MYO1E: variants seen among roughly 807,000 people sequenced by gnomAD.
MYO1E encodes the protein unconventional myosin-Ie.
MYO1E carries 68 observed loss-of-function variants against 151.1 expected under a neutral mutation model. The ratio of observed to expected loss-of-function variants is 0.45; its 90% confidence interval spans 0.37 to 0.55. The LOEUF (loss-of-function observed/expected upper bound fraction) is 0.55. Among genes scored for constraint, MYO1E ranks in the 20% least tolerant of loss-of-function variants. The pLI is 0.00. For synonymous variants in MYO1E, 601 were observed against 501.7 expected, an observed-to-expected ratio of 1.20 and a Z score of -2.64; for missense variants, 1,363 against 1,389.3, an observed-to-expected ratio of 0.98 and a Z score of 0.30.
intron 3 of MYO1E, among the ~76,000 whole-genome samples, chr15:59,261,049 A>AC (rs1161903549): frequency 6.6e-6 from 1 of 152,036 alleles, no homozygotes; most frequent in Non-Finnish European, 1.5e-5. Flanking sequence ...TACCGTCTCT[A>AC]CTAAAAATAC....
chr15:59,163,891 A>G (rs11071409), intron 22 of MYO1E, among the ~76,000 whole-genome samples: 145,339 of 152,322 alleles, frequency 0.95, 69,466 homozygotes, highest in South Asian at 0.99. Flanking sequence ...CAAGTTCAGA[A>G]ATGCGAAGGC....
intron 26 of MYO1E, among the ~76,000 whole-genome samples, chr15:59,151,008 G>GGGAC (rs1278419964): frequency 1.9e-5 from 2 of 107,862 alleles, no homozygotes; most frequent in South Asian, 3.2e-4. Context: ...GAAGAGGAGA[G>GGGAC]GGACACACAC....
chr15:59,138,127 C>A, intron 27 of MYO1E, 71 bp downstream of exon 27: 1 of 1,569,530 alleles, frequency 6.4e-7, no homozygotes, highest in Admixed American at 1.7e-5. Flanking sequence ...TTCATTTTCA[C>A]ACTAGATCTT....
intron 12 of MYO1E, among the ~76,000 whole-genome samples, chr15:59,212,463 C>T (rs1376135013): frequency 2.0e-5 from 3 of 152,060 alleles, no homozygotes; most frequent in African/African-American, 7.2e-5. Context: ...TGTGTAATGG[C>T]TTGAATAGTA....
chr15:59,223,557 C>T (rs1253817634), intron 8 of MYO1E, among the ~76,000 whole-genome samples: 1 of 152,200 alleles, frequency 6.6e-6, no homozygotes, highest in Non-Finnish European at 1.5e-5. Flanking sequence ...TACACAAAGT[C>T]TCCAAGTCCT....
At chr15:59,327,166 T>C (rs1388528330) in intron 1 of MYO1E, among the ~76,000 whole-genome samples, 1 of 151,808 alleles carries the variant, frequency 6.6e-6, no homozygotes, top group Non-Finnish European at 1.5e-5. Flanking sequence ...CATGCAGGAG[T>C]CTCCCATGTA....
At chr15:59,239,634 G>A (rs1039127312) in intron 4 of MYO1E, among the ~76,000 whole-genome samples, 1 of 152,142 alleles carries the variant, frequency 6.6e-6, no homozygotes, top group African/African-American at 2.4e-5. Flanking sequence ...ATAATGGAAA[G>A]TAGCTCTTTT....
intron 26 of MYO1E, among the ~76,000 whole-genome samples, chr15:59,151,876 G>A (rs1596343177): frequency 6.7e-6 from 1 of 148,954 alleles, no homozygotes; most frequent in African/African-American, 2.6e-5. Flanking sequence ...TGAAACTCTT[G>A]TCTCTACAAA....
At chr15:59,370,257 T>G (rs1353501432) in intron 1 of MYO1E, among the ~76,000 whole-genome samples, 8 of 152,248 alleles carry the variant, frequency 5.3e-5, no homozygotes, top group Admixed American at 1.3e-4. Context: ...AAATGAAGTA[T>G]CATTTGGCTT....
At chr15:59,150,665 T>C (rs1414512453) in intron 26 of MYO1E, among the ~76,000 whole-genome samples, 1 of 148,480 alleles carries the variant, frequency 6.7e-6, no homozygotes, top group African/African-American at 2.5e-5. Flanking sequence ...AAAAATCCCA[T>C]AAACCTAACA....
chr15:59,177,508 A>G (rs1166139007), intron 19 of MYO1E, among the ~76,000 whole-genome samples: 2 of 152,214 alleles, frequency 1.3e-5, no homozygotes, highest in Non-Finnish European at 2.9e-5. Context: ...ATTTCTGCCA[A>G]GTTCATCACT....
chr15:59,240,891 G>A (rs921811734), intron 4 of MYO1E, among the ~76,000 whole-genome samples: 1 of 152,246 alleles, frequency 6.6e-6, no homozygotes, highest in African/African-American at 2.4e-5. Context: ...GCCCCAGTGT[G>A]TTAAGCCGAA....
At chr15:59,275,251 T>C (rs80072456) in intron 1 of MYO1E, among the ~76,000 whole-genome samples, 3,059 of 152,322 alleles carry the variant, frequency 0.02, 92 homozygotes, top group East Asian at 0.17. Context: ...CAAAACCAAA[T>C]GTATCATTAA....
chr15:59,293,007 G>A (rs1388205564), intron 1 of MYO1E, among the ~76,000 whole-genome samples: 1 of 152,166 alleles, frequency 6.6e-6, no homozygotes, highest in Non-Finnish European at 1.5e-5. Flanking sequence ...GCTGGGCTGG[G>A]GAAGCCACTT....
chr15:59,200,776 A>G (rs1004310899), intron 16 of MYO1E, among the ~76,000 whole-genome samples: 11 of 152,210 alleles, frequency 7.2e-5, no homozygotes, highest in Non-Finnish European at 1.3e-4. Context: ...ATGAAGCTGA[A>G]TCATCACAGT....
chr15:59,162,659 GAAAA>G (rs56116339), intron 23 of MYO1E, among the ~76,000 whole-genome samples: 7 of 120,910 alleles, frequency 5.8e-5, no homozygotes, highest in Non-Finnish European at 6.8e-5. Flanking sequence ...AAAAAAAAAA[GAAAA>G]AAAAAAAAAA....
intron 1 of MYO1E, among the ~76,000 whole-genome samples, chr15:59,288,021 GGT>G (rs2080397424): frequency 6.6e-6 from 1 of 152,178 alleles, no homozygotes; most frequent in Non-Finnish European, 1.5e-5. Context: ...GTTCCTGATG[GGT>G]TTTGAACTGC....
intron 2 of MYO1E, among the ~76,000 whole-genome samples, chr15:59,265,672 T>C (rs1394178028): frequency 6.6e-6 from 1 of 151,790 alleles, no homozygotes; most frequent in Non-Finnish European, 1.5e-5. Flanking sequence ...AAGTTTGGTT[T>C]AAAATGGCTG....
intron 1 of MYO1E, among the ~76,000 whole-genome samples, chr15:59,297,642 T>A (rs1288333238): frequency 6.6e-6 from 1 of 151,688 alleles, no homozygotes; most frequent in Non-Finnish European, 1.5e-5. Flanking sequence ...AGTACAGTGG[T>A]GCGATGAGGG....
Sources: gnomAD v4.1 joint callset for allele counts (sites outside exome capture counted in the v4.1 genomes callset) on GRCh38, gnomAD v4.1.1 for gene constraint, MANE v1.5 for transcripts, NCBI Gene and HGNC (gene_info 2026-07-23, HGNC 2026-07-21) for gene names.